Variants in LINGO2 observed in about 807,000 individuals in gnomAD.
The protein encoded by LINGO2 is leucine-rich repeat and immunoglobulin-like domain-containing nogo receptor-interacting protein 2.
LINGO2 carries 14 observed loss-of-function variants against 30.6 expected under a neutral mutation model. The ratio of observed to expected loss-of-function variants is 0.46; its 90% CI spans 0.30 to 0.72. The LOEUF (loss-of-function observed/expected upper bound fraction) is 0.72, where lower values mean the gene tolerates loss of function less well. Ranked by LOEUF, LINGO2 falls within the 30% of genes least tolerant of loss-of-function variation. The pLI is 0.07. For missense variants in LINGO2, 729 were observed against 751.7 expected, an observed-to-expected ratio of 0.97 and a Z score of 0.35; for synonymous variants, 317 against 288.5, an observed-to-expected ratio of 1.10 and a Z score of -1.00.
chr9:29,145,172 A>G, the LINGO2 span, among the ~76,000 whole-genome samples: 1 of 152,164 alleles, frequency 6.6e-6, no homozygotes, highest in East Asian at 1.9e-4. Context: ...TCATCCTAAG[A>G]ATCCCCTACA....
At chr9:28,515,790 G>C (rs1350825767) in intron 1 of LINGO2, among the ~76,000 whole-genome samples, 1 of 152,200 alleles carries the variant, frequency 6.6e-6, no homozygotes, top group Admixed American at 6.5e-5. Flanking sequence ...GCAATGGCAG[G>C]TTTTGAGAGG....
intron 4 of LINGO2, among the ~76,000 whole-genome samples, chr9:28,033,035 C>A (rs768126295): frequency 6.6e-6 from 1 of 152,158 alleles, no homozygotes; most frequent in Non-Finnish European, 1.5e-5. Flanking sequence ...TTCTAGAATA[C>A]TAGAAAACAT....
At chr9:29,169,151 C>G in the LINGO2 span, among the ~76,000 whole-genome samples, 1 of 152,010 alleles carries the variant, frequency 6.6e-6, no homozygotes, top group East Asian at 1.9e-4. Flanking sequence ...TTTCACCATG[C>G]TGGCCAGGCT....
chr9:28,197,710 A>T (rs1036879347), intron 4 of LINGO2, among the ~76,000 whole-genome samples: 3 of 152,000 alleles, frequency 2.0e-5, no homozygotes, highest in Non-Finnish European at 4.4e-5. Context: ...AGTAAATGAA[A>T]TTTAGAAAAA....
At position 28,282,014 on chromosome 9, in the gene LINGO2, G is replaced by T. The variant is rs542633882; in HGVS notation, c.-87+13194C>A. ...TGGGGGAACTTCAATGTCCAGTCAC[G>T]GAGTTCCTTAAATTATGCCCCTGAA... On this transcript the variant is annotated intron_variant, in intron 4 of 5. Coordinates refer to ENST00000379992, the Ensembl canonical transcript of LINGO2. 2.6e-5 allele frequency among the ~76,000 whole-genome samples: 4 copies of T among 152,118 alleles called. No individual in the cohort carries two copies. The South Asian group carries it at 8.3e-4, about 32-fold the overall frequency.
chr9:28,357,927 T>C (rs1820292320), intron 3 of LINGO2, among the ~76,000 whole-genome samples: 1 of 152,090 alleles, frequency 6.6e-6, no homozygotes, highest in East Asian at 1.9e-4. Context: ...AATCCAACAA[T>C]TTAAAAAATG....
intron 1 of LINGO2, among the ~76,000 whole-genome samples, chr9:28,600,018 T>A (rs1825395639): frequency 6.6e-6 from 1 of 152,120 alleles, no homozygotes; most frequent in Non-Finnish European, 1.5e-5. Flanking sequence ...AAAATGCTTT[T>A]GAAAATGGCA....
At chr9:28,230,199 A>G (rs901923397) in intron 4 of LINGO2, among the ~76,000 whole-genome samples, 1 of 151,826 alleles carries the variant, frequency 6.6e-6, no homozygotes, top group African/African-American at 2.4e-5. Flanking sequence ...AAAAAATACT[A>G]TATGTGTGTG....
the LINGO2 span, among the ~76,000 whole-genome samples, chr9:29,005,289 T>C: frequency 6.6e-6 from 1 of 151,706 alleles, no homozygotes; most frequent in East Asian, 1.9e-4. Context: ...CTTCCAAAAG[T>C]TATCCACTGT....
At chr9:28,007,052 T>G (rs1437419166) in intron 5 of LINGO2, among the ~76,000 whole-genome samples, 2 of 152,168 alleles carry the variant, frequency 1.3e-5, no homozygotes, top group Admixed American at 6.5e-5. Context: ...GTTTCACTAG[T>G]CTGTTAGTTT....
intron 4 of LINGO2, among the ~76,000 whole-genome samples, chr9:28,052,179 T>A (rs957408461): frequency 6.6e-6 from 1 of 152,100 alleles, no homozygotes; most frequent in Admixed American, 6.6e-5. Context: ...AACAAAATTA[T>A]GGATTCTCAA....
At chr9:28,827,623 G>C in the LINGO2 span, among the ~76,000 whole-genome samples, 8 of 152,174 alleles carry the variant, frequency 5.3e-5, no homozygotes, top group South Asian at 1.7e-3. Context: ...AGGACAATTT[G>C]ACAATTACAC....
chr9:28,492,452 GTAATGAAGGA>G (rs1221889890), intron 1 of LINGO2, among the ~76,000 whole-genome samples: 3 of 152,176 alleles, frequency 2.0e-5, no homozygotes, highest in Non-Finnish European at 2.9e-5. Flanking sequence ...TGCCACCGTT[GTAATGAAGGA>G]TATGCTGTTG....
At chr9:28,889,065 G>C in the LINGO2 span, 4 of 375,014 alleles carry the variant, frequency 1.1e-5, no homozygotes, top group African/African-American at 6.4e-5. Context: ...CAGCTTGCCT[G>C]GTGCTTGTGA....
At chr9:28,059,822 G>A (rs950618630) in intron 4 of LINGO2, among the ~76,000 whole-genome samples, 1 of 151,954 alleles carries the variant, frequency 6.6e-6, no homozygotes, top group African/African-American at 2.4e-5. Context: ...AAGGATACTG[G>A]ATTGACGCTT....
At chr9:28,874,695 A>G in the LINGO2 span, among the ~76,000 whole-genome samples, 1 of 152,074 alleles carries the variant, frequency 6.6e-6, no homozygotes, top group Non-Finnish European at 1.5e-5. Flanking sequence ...AACACCTTCC[A>G]GCTCTGAAGA....
chr9:28,796,670 CAT>C, the LINGO2 span, among the ~76,000 whole-genome samples: 1 of 151,918 alleles, frequency 6.6e-6, no homozygotes, highest in Non-Finnish European at 1.5e-5. Context: ...AGAGGGAGGA[CAT>C]GTGTTTCTTT....
chr9:28,032,004 C>CT (rs1288295093), intron 4 of LINGO2, among the ~76,000 whole-genome samples: 2 of 144,068 alleles, frequency 1.4e-5, no homozygotes, highest in Non-Finnish European at 3.0e-5. Flanking sequence ...AGCTGGGTAC[C>CT]TTTGTTACTA....
chr9:28,010,129 A>AG (rs1327827053), intron 5 of LINGO2, among the ~76,000 whole-genome samples: 1 of 152,240 alleles, frequency 6.6e-6, no homozygotes. Flanking sequence ...CATTCACAAA[A>AG]GATCACGTAT....
Sources: gnomAD v4.1 joint callset for allele counts (sites outside exome capture counted in the v4.1 genomes callset) on GRCh38, gnomAD v4.1.1 for gene constraint, MANE v1.5 for transcripts, NCBI Gene and HGNC (gene_info 2026-07-23, HGNC 2026-07-21) for gene names.